PTPRQ: variants seen among roughly 807,000 people sequenced by gnomAD.
The protein encoded by PTPRQ is phosphatidylinositol phosphatase PTPRQ.
PTPRQ carries 199 observed loss-of-function variants against 246.0 expected under a neutral mutation model. The ratio of observed to expected loss-of-function variants is 0.81; its 90% CI spans 0.72 to 0.91. The LOEUF (loss-of-function observed/expected upper bound fraction) is 0.91. PTPRQ is among the 40% of genes least tolerant of loss of function. The pLI is 0.00. For synonymous variants in PTPRQ, 869 were observed against 853.2 expected, an observed-to-expected ratio of 1.02 and a Z score of -0.32; for missense variants, 2,624 against 2,528.4, an observed-to-expected ratio of 1.04 and a Z score of -0.81.
intron 28 of PTPRQ, among the ~76,000 whole-genome samples, chr12:80,612,207 C>G (rs1332823964): frequency 6.7e-6 from 1 of 150,244 alleles, no homozygotes; most frequent in African/African-American, 2.4e-5. Flanking sequence ...TATCCTCATA[C>G]ATATTTTAAT....
At chr12:80,468,630 G>A (rs776523627) in intron 6 of PTPRQ, 80 bp from the exon 7 acceptor site, 2 of 1,270,004 alleles carry the variant, frequency 1.6e-6, no homozygotes, top group Non-Finnish European at 1.0e-6. Context: ...CTTTGCCTTT[G>A]TGTTTTATTA....
At chr12:80,629,596 AG>A (rs1406324773) in intron 33 of PTPRQ, among the ~76,000 whole-genome samples, 2 of 152,238 alleles carry the variant, frequency 1.3e-5, no homozygotes, top group East Asian at 3.9e-4. Flanking sequence ...GAGGGGTAAC[AG>A]GGGACCAGAC....
At chr12:80,645,332 C>T (rs182642333) in intron 35 of PTPRQ, among the ~76,000 whole-genome samples, 13 of 152,002 alleles carry the variant, frequency 8.6e-5, no homozygotes, top group Non-Finnish European at 1.3e-4. Flanking sequence ...ATTGATTATA[C>T]GTATTTAAAG....
At chr12:80,481,846 C>G (rs1210782201) in intron 8 of PTPRQ, among the ~76,000 whole-genome samples, 9 of 152,052 alleles carry the variant, frequency 5.9e-5, no homozygotes, top group African/African-American at 1.7e-4. Flanking sequence ...TCAAGGAGAA[C>G]TACAAACCGC....
chr12:80,570,889 G>C (rs575731971), intron 25 of PTPRQ, among the ~76,000 whole-genome samples: 5 of 152,200 alleles, frequency 3.3e-5, no homozygotes, highest in African/African-American at 1.2e-4. Context: ...AAGATCAGAT[G>C]GTTTTAGATG....
chr12:80,550,540 G>A (rs568028783), intron 25 of PTPRQ, among the ~76,000 whole-genome samples: 1 of 151,930 alleles, frequency 6.6e-6, no homozygotes, highest in African/African-American at 2.4e-5. Flanking sequence ...TCAGACTACG[G>A]TGTTTCCCTT....
At chr12:80,631,735 T>G (rs1899442647) in intron 33 of PTPRQ, among the ~76,000 whole-genome samples, 1 of 152,144 alleles carries the variant, frequency 6.6e-6, no homozygotes, top group Admixed American at 6.5e-5. Context: ...GACTCCAGGG[T>G]TTTGGCCTTA....
Position 80,484,505 on chromosome 12 carries a change from C to G in PTPRQ, c.1259C>G (p.Pro420Arg). The G allele has an allele frequency of 6.4e-7, 1 of 1,551,020 alleles. No individual in the cohort carries two copies. The highest frequency in any genetic ancestry group is 1.4e-5 in the African/African-American group (1 of 73,036). ...CAAGTAAGAATTACTTGGAAGAAAC[C>G]ACGACAACCAAATGGAATTATTAAC... ...STQVRITWKK[P>R]RQPNGIINQY... The change falls in exon 9 of 45, where the codon CCA becomes CGA. Residue 420 changes from proline to arginine, a missense_variant. Pro to Arg is a moderately radical substitution (Grantham distance 103). Transcript: ENST00000644991.
At chr12:80,449,859 G>T (rs1294674690) in intron 3 of PTPRQ, among the ~76,000 whole-genome samples, 4 of 152,136 alleles carry the variant, frequency 2.6e-5, no homozygotes, top group South Asian at 4.2e-4. Context: ...GGCGATGTGG[G>T]CTCTTTTTTG....
intron 43 of PTPRQ, 124 bp from the exon 44 acceptor site, chr12:80,678,478 C>A: frequency 2.5e-6 from 3 of 1,189,784 alleles, no homozygotes; most frequent in South Asian, 5.7e-5. Context: ...ATGATAAATT[C>A]TGTGTCTGTA....
intron 38 of PTPRQ, 75 bp from the exon 39 acceptor site, chr12:80,657,910 T>A: frequency 1.8e-6 from 2 of 1,107,720 alleles, no homozygotes; most frequent in Non-Finnish European, 2.4e-6. Context: ...AACTCCTTTG[T>A]ATTACTTTTA....
intron 8 of PTPRQ, among the ~76,000 whole-genome samples, chr12:80,473,491 C>T (rs911879939): frequency 1.3e-5 from 2 of 152,190 alleles, no homozygotes; most frequent in Non-Finnish European, 2.9e-5. Flanking sequence ...TCTCAACCAA[C>T]TCAATGTACC....
intron 39 of PTPRQ, among the ~76,000 whole-genome samples, chr12:80,660,054 AC>A (rs1900578882): frequency 2.6e-5 from 4 of 151,708 alleles, no homozygotes; most frequent in African/African-American, 9.7e-5. Context: ...ATTTCCCCCT[AC>A]CCCCAAATTT....
At chr12:80,468,628 T>G in intron 6 of PTPRQ, 82 bp from the exon 7 acceptor site, 1 of 1,260,706 alleles carries the variant, frequency 7.9e-7, no homozygotes, top group Non-Finnish European at 1.0e-6. Flanking sequence ...TTCTTTGCCT[T>G]TGTGTTTTAT....
intron 6 of PTPRQ, chr12:80,462,034 C>T (rs1893197751): frequency 2.9e-6 from 2 of 701,008 alleles, no homozygotes; most frequent in Non-Finnish European, 5.2e-6. Context: ...GTGCAGTGCG[C>T]CGTGAGAGAG....
At position 80,534,185 on chromosome 12, in the gene PTPRQ, G is replaced by A. The variant is rs1305701364; in HGVS notation, c.2839+10G>A. The A allele has an allele frequency of 1.3e-6, 2 of 1,481,892 alleles. No homozygotes were observed. Among genetic ancestry groups the A allele is most frequent in the East Asian group, 2.6e-5 (1 of 38,766 alleles). The allele number at this position is 1,481,892 out of a possible 1,614,324, so 91.8% of individuals were successfully genotyped here. A position where few individuals can be genotyped will look rare whatever the true frequency, so the allele number is the denominator to read the frequency against. ...CAAACACCAGAGGGAGGTGAGTTAA[G>A]GATGTATGCCAATTAAAAGAATGTT... On this transcript the variant is annotated intron_variant, in intron 18 of 44. Transcript: ENST00000644991.
At chr12:80,459,707 A>C (rs1893090773) in intron 5 of PTPRQ, among the ~76,000 whole-genome samples, 1 of 152,184 alleles carries the variant, frequency 6.6e-6, no homozygotes, top group Non-Finnish European at 1.5e-5. Flanking sequence ...AGAATTCAAG[A>C]GTGAGGGATT....
chr12:80,645,304 CT>C (rs1241023406), intron 35 of PTPRQ, among the ~76,000 whole-genome samples: 2 of 151,958 alleles, frequency 1.3e-5, no homozygotes, highest in Non-Finnish European at 2.9e-5. Context: ...GACTCACATG[CT>C]TTTTGTTGAT....
chr12:80,627,028 A>T (rs1973841), intron 33 of PTPRQ, among the ~76,000 whole-genome samples: 52,553 of 151,860 alleles, frequency 0.35, 9,652 homozygotes, highest in African/African-American at 0.46. Flanking sequence ...TGTTCATCCC[A>T]ATGGGGTGTT....
Sources: allele counts gnomAD v4.1 joint callset (sites outside exome capture counted in the v4.1 genomes callset), GRCh38; gene constraint gnomAD v4.1.1; transcripts MANE v1.5; gene names NCBI Gene and HGNC (gene_info 2026-07-23, HGNC 2026-07-21).